The following MESP1 variants were observed in gnomAD, a reference collection of about 807,000 sequenced individuals.
MESP1 encodes mesoderm posterior protein 1.
In MESP1, 22 loss-of-function variants were observed where a neutral mutation model predicts 15.2. The observed-to-expected ratio is 1.45, with a 90% CI of 1.04 to 2.07. The LOEUF (loss-of-function observed/expected upper bound fraction) is 2.07. Ranked by LOEUF, MESP1 falls within the 30% of genes most tolerant of loss-of-function variation. The pLI, the probability that MESP1 is intolerant of heterozygous loss-of-function variation, is 0.00. For synonymous variants in MESP1, 216 were observed against 192.6 expected (o/e 1.12, Z -1.01); for missense variants, 484 against 411.9 (o/e 1.17, Z -1.51).
At chr15:89,750,296 G>T (rs1050369500) in intron 1 of MESP1, 69 bp from the exon 2 acceptor site, 2 of 1,593,368 alleles carry the variant, frequency 1.3e-6, no homozygotes, top group East Asian at 2.2e-5. Flanking sequence ...CGCGCTCGTG[G>T]GCTCCACTCT....
the MESP1 span, chr15:89,743,600 A>G: frequency 8.5e-6 from 5 of 585,092 alleles, no homozygotes; most frequent in South Asian, 1.0e-4. Context: ...TCAGGCAGGC[A>G]GATGTGTCAC....
chr15:89,732,993 T>A, the MESP1 span: 4 of 1,613,412 alleles, frequency 2.5e-6, no homozygotes, highest in Admixed American at 6.7e-5. Context: ...GCTTGTGTGA[T>A]TACTTTCTCT....
At chr15:89,733,655 A>G in the MESP1 span, among the ~76,000 whole-genome samples, 12 of 152,134 alleles carry the variant, frequency 7.9e-5, no homozygotes, top group Admixed American at 2.0e-4. Context: ...CTAGAACATG[A>G]GCACACTCAA....
At chr15:89,750,254 C>A in intron 1 of MESP1, 27 bp from the exon 2 acceptor site, 1 of 1,611,948 alleles carries the variant, frequency 6.2e-7, no homozygotes, top group Non-Finnish European at 8.5e-7. Flanking sequence ...AACAGCGCAG[C>A]CCTCAAGCAC....
At chr15:89,733,142 G>A in the MESP1 span, 2 of 1,614,074 alleles carry the variant, frequency 1.2e-6, no homozygotes, top group African/African-American at 2.7e-5. Flanking sequence ...AATGTGTGGT[G>A]CTGTGCACAG....
At chr15:89,733,677 T>C in the MESP1 span, among the ~76,000 whole-genome samples, 1 of 152,174 alleles carries the variant, frequency 6.6e-6, no homozygotes, top group African/African-American at 2.4e-5. Context: ...TCCCTCACCA[T>C]GTCACACCCT....
chr15:89,732,634 C>CAA, the MESP1 span, among the ~76,000 whole-genome samples: 51 of 152,052 alleles, frequency 3.4e-4, no homozygotes, highest in Non-Finnish European at 6.0e-4. Context: ...CACACACACA[C>CAA]ACACACACCG....
chr15:89,738,752 A>G, the MESP1 span, among the ~76,000 whole-genome samples: 1 of 152,134 alleles, frequency 6.6e-6, no homozygotes. Context: ...GCTGGGAGAA[A>G]AGAAGGGCTT....
the MESP1 span, chr15:89,738,129 G>A: frequency 3.1e-6 from 5 of 1,614,116 alleles, no homozygotes; most frequent in Admixed American, 1.7e-5. Flanking sequence ...GCCCACTCCT[G>A]GAAAATATCT....
the MESP1 span, among the ~76,000 whole-genome samples, chr15:89,740,873 C>A: frequency 6.6e-6 from 1 of 152,054 alleles, no homozygotes. Context: ...GGCGCGGTGG[C>A]TCACACCTGT....
the MESP1 span, among the ~76,000 whole-genome samples, chr15:89,741,816 A>G: frequency 2.6e-5 from 4 of 152,218 alleles, no homozygotes; most frequent in Middle Eastern, 0.014. Context: ...CAGTGGCACA[A>G]TCTCAGCTCA....
downstream of MESP1, among the ~76,000 whole-genome samples, chr15:89,746,447 G>C (rs1175051729): frequency 6.9e-6 from 1 of 144,042 alleles, no homozygotes; most frequent in African/African-American, 2.6e-5. Context: ...CCTCCACACA[G>C]CATCCACACC....
chr15:89,749,860 G>T, downstream of MESP1: 1 of 394,648 alleles, frequency 2.5e-6, no homozygotes, highest in Non-Finnish European at 4.8e-6. Flanking sequence ...CGGGTAGGAA[G>T]AAGAAATTGC....
At chr15:89,737,792 C>G in the MESP1 span, 1 of 1,594,920 alleles carries the variant, frequency 6.3e-7, no homozygotes. Flanking sequence ...CTCTCACAAA[C>G]AGAGAGAGCC....
the MESP1 span, chr15:89,743,537 G>C: frequency 1.4e-6 from 1 of 704,404 alleles, no homozygotes; most frequent in Non-Finnish European, 2.4e-6. Flanking sequence ...AGCCAGCAAG[G>C]GGAAAAGTAT....
the MESP1 span, among the ~76,000 whole-genome samples, chr15:89,734,954 A>G: frequency 6.6e-6 from 1 of 152,096 alleles, no homozygotes; most frequent in African/African-American, 2.4e-5. Flanking sequence ...TATATTCTCC[A>G]ACTTGTCTTC....
the MESP1 span, among the ~76,000 whole-genome samples, chr15:89,734,673 T>G: frequency 6.6e-6 from 1 of 152,054 alleles, no homozygotes. Flanking sequence ...CATCATTCCT[T>G]TGCTTTCCCT....
the MESP1 span, chr15:89,738,018 A>G: frequency 5.0e-6 from 8 of 1,589,938 alleles, no homozygotes; most frequent in Non-Finnish European, 6.8e-6. Context: ...TACACAGAAC[A>G]TGGTGTTCTT....
In MESP1 at chr15:89,750,797, C is replaced by A. The variant is rs202109366; in HGVS notation, c.435G>T (p.Glu145Asp). The A allele has an allele frequency of 4.9e-4, 747 of 1,523,366 alleles. 5 individuals are homozygous for A. In the African/African-American group the frequency reaches 9.6e-3, roughly 20 times the overall value. 94.4% of individuals were successfully genotyped at this position (1,523,366 alleles called of 1,614,324 possible). ...GCTGCCGGCACCGGCGCTGGAGACT[C>A]TCCTCGCTGAGGCCTAGCACGGCCG... The part of the protein sequence containing the change: ...HLSAVLGLSE[E>D]SLQRRCRQRG... Residue 145 changes from glutamate to aspartate, a missense_variant, in exon 1 of 2, where the codon GAG (glutamate) becomes GAT (aspartate). Glu to Asp is a conservative substitution (Grantham distance 45). Coordinates refer to ENST00000300057, the MANE Select transcript of MESP1 (RefSeq NM_018670.4).
Sources: allele counts gnomAD v4.1 joint callset (sites outside exome capture counted in the v4.1 genomes callset), GRCh38; gene constraint gnomAD v4.1.1; transcripts MANE v1.5; gene names NCBI Gene and HGNC (gene_info 2026-07-23, HGNC 2026-07-21).